FOXP1: variants seen among roughly 807,000 people sequenced by gnomAD.
FOXP1 encodes the protein forkhead box P1.
In FOXP1, 15 loss-of-function variants were observed where a neutral mutation model predicts 98.2. That is an observed-to-expected ratio of 0.15 (90% CI 0.10 to 0.24). FOXP1 has a LOEUF of 0.24. Ranked by LOEUF, FOXP1 falls within the 10% of genes least tolerant of loss-of-function variation. The pLI is 1.00. For synonymous variants in FOXP1, 371 were observed against 314.5 expected (o/e 1.18, Z -1.90); for missense variants, 633 against 848.5 (o/e 0.75, Z 3.15).
chr3:71,199,242 T>G (rs11717297), intron 5 of FOXP1, among the ~76,000 whole-genome samples: 1 of 151,620 alleles, frequency 6.6e-6, no homozygotes, highest in Non-Finnish European at 1.5e-5. Flanking sequence ...GTAGCTGGGA[T>G]TACAGATGCC....
chr3:71,240,001 C>T (rs914308448), intron 5 of FOXP1, among the ~76,000 whole-genome samples: 15 of 152,302 alleles, frequency 9.8e-5, no homozygotes, highest in Admixed American at 8.5e-4. Context: ...CTAGGAAGAA[C>T]TTTGGGTCAG....
chr3:71,565,580 C>A (rs1228236830), intron 2 of FOXP1, among the ~76,000 whole-genome samples: 1 of 152,136 alleles, frequency 6.6e-6, no homozygotes, highest in Non-Finnish European at 1.5e-5. Context: ...AAAGAAAAAG[C>A]GGCAGCTTAT....
intron 4 of FOXP1, among the ~76,000 whole-genome samples, chr3:71,348,514 TGTGTGTGC>T (rs61366004): frequency 0.42 from 39,131 of 93,980 alleles, 5,825 homozygotes; most frequent in Middle Eastern, 0.52. Flanking sequence ...TCAGTGTGTG[TGTGTGTGC>T]GTGTGTGTGT....
chr3:71,554,481 C>T (rs1240501375), intron 2 of FOXP1, among the ~76,000 whole-genome samples: 3 of 152,124 alleles, frequency 2.0e-5, no homozygotes, highest in Non-Finnish European at 4.4e-5. Context: ...AGATGCTTTA[C>T]CTTCAACAGA....
chr3:71,322,106 T>A lies in FOXP1; in HGVS notation c.-72-22226A>T, dbSNP rs113127031. 3.2e-3 allele frequency among the ~76,000 whole-genome samples: 488 copies of A among 152,308 alleles called. 2 individuals carry two copies. The highest frequency in any genetic ancestry group is 0.011 in the African/African-American group (462 of 41,562). On this transcript the variant is annotated intron_variant, in intron 4 of 20. Coordinates refer to ENST00000649528, the MANE Select transcript of FOXP1 (RefSeq NM_001349338.3). ...TGTATAAACTACAAAAGATGAAAAT[T>A]TTTGATACAACTCTTACATCATTCA...
At chr3:71,215,062 C>T (rs1320461603) in intron 5 of FOXP1, among the ~76,000 whole-genome samples, 2 of 152,182 alleles carry the variant, frequency 1.3e-5, no homozygotes, top group Non-Finnish European at 2.9e-5. Context: ...TAAATGAGAA[C>T]CTGCATTTTA....
At chr3:71,271,675 C>T (rs2070367885) in intron 5 of FOXP1, among the ~76,000 whole-genome samples, 1 of 152,152 alleles carries the variant, frequency 6.6e-6, no homozygotes, top group Non-Finnish European at 1.5e-5. Context: ...GGGCTATGTT[C>T]CACATGTGAA....
intron 11 of FOXP1, among the ~76,000 whole-genome samples, chr3:71,018,990 G>A (rs1212834295): frequency 6.6e-6 from 1 of 152,132 alleles, no homozygotes; most frequent in Non-Finnish European, 1.5e-5. Context: ...CCACACACCC[G>A]CTGCATGTGT....
chr3:70,976,793 C>T (rs2037653874), intron 17 of FOXP1, 148 bp downstream of exon 17: 1 of 653,448 alleles, frequency 1.5e-6, no homozygotes, highest in Non-Finnish European at 2.8e-6. Flanking sequence ...GCACTATTTT[C>T]CCAATCAAAT....
In FOXP1 at chr3:71,228,967, G is replaced by GTT. The variant is rs1553789880; in HGVS notation, c.-11-30577_-11-30576dup. On this transcript the variant is annotated intron_variant, in intron 5 of 20. Coordinates refer to ENST00000649528, the MANE Select transcript of FOXP1 (RefSeq NM_001349338.3). The stretch of plus-strand genomic sequence containing the variant: ...TAGTAAAATGCTTTTACTGTTGGTT[G>GTT]TTTTTTTTTTTTTTGATGTCTCATT... Among the ~76,000 whole-genome samples, 120 of 59,352 alleles carry GTT rather than the reference G, an allele frequency of 2.0e-3. 1 individual carries two copies. Among genetic ancestry groups the GTT allele is most frequent in the Admixed American group, 6.6e-3 (28 of 4,234 alleles). The allele number at this position is 59,352 out of a possible 152,430, so 38.9% of individuals were successfully genotyped here.
chr3:71,220,629 T>C (rs1169100083), intron 5 of FOXP1, among the ~76,000 whole-genome samples: 3 of 151,958 alleles, frequency 2.0e-5, no homozygotes, highest in Non-Finnish European at 4.4e-5. Context: ...AGTGCACGCC[T>C]GTAGTCCCAA....
chr3:71,024,678 T>C (rs570727364), intron 11 of FOXP1, among the ~76,000 whole-genome samples: 18 of 152,336 alleles, frequency 1.2e-4, no homozygotes, highest in African/African-American at 3.4e-4. Context: ...ACGATATTCA[T>C]GAGTAAAACT....
chr3:71,527,426 G>A (rs970992336), intron 2 of FOXP1, among the ~76,000 whole-genome samples: 7 of 152,194 alleles, frequency 4.6e-5, no homozygotes, highest in African/African-American at 1.7e-4. Flanking sequence ...CAAGCTAAGT[G>A]ACCCTCACAA....
intron 2 of FOXP1, among the ~76,000 whole-genome samples, chr3:71,560,107 T>C (rs745633597): frequency 7.2e-5 from 11 of 152,204 alleles, no homozygotes; most frequent in Non-Finnish European, 1.3e-4. Context: ...TGGCTCCATC[T>C]GTACCTGAAG....
chr3:71,088,797 G>T (rs1046240569), intron 7 of FOXP1, among the ~76,000 whole-genome samples: 3 of 152,268 alleles, frequency 2.0e-5, no homozygotes, highest in Admixed American at 6.5e-5. Context: ...TGTTTAGGGG[G>T]AAACGCTGGA....
At chr3:71,273,114 G>A (rs1198215870) in intron 5 of FOXP1, among the ~76,000 whole-genome samples, 3 of 152,208 alleles carry the variant, frequency 2.0e-5, no homozygotes, top group African/African-American at 2.4e-5. Flanking sequence ...GCAGTAAGGT[G>A]CACATCCTTC....
chr3:71,283,994 A>G (rs919211617), intron 5 of FOXP1, among the ~76,000 whole-genome samples: 1 of 152,198 alleles, frequency 6.6e-6, no homozygotes, highest in Non-Finnish European at 1.5e-5. Context: ...AACAATTAAG[A>G]ACAGCCTAAA....
intron 4 of FOXP1, among the ~76,000 whole-genome samples, chr3:71,329,119 T>C (rs1394019095): frequency 6.6e-6 from 1 of 152,052 alleles, no homozygotes; most frequent in Non-Finnish European, 1.5e-5. Context: ...CCAGCTGGAC[T>C]GTGACCTGAT....
intron 5 of FOXP1, chr3:71,245,428 G>C (rs62247677): frequency 1.3e-5 from 2 of 150,656 alleles, no homozygotes; most frequent in African/African-American, 2.4e-5. Flanking sequence ...CCAAATATCT[G>C]ACTGTAAATT....
Sources: gnomAD v4.1 joint callset for allele counts (sites outside exome capture counted in the v4.1 genomes callset) on GRCh38, gnomAD v4.1.1 for gene constraint, MANE v1.5 for transcripts, NCBI Gene and HGNC (gene_info 2026-07-23, HGNC 2026-07-21) for gene names.